Variants in COL18A1 observed in about 807,000 individuals in gnomAD.
The protein encoded by COL18A1 is collagen type XVIII alpha 1 chain.
In COL18A1, 133 loss-of-function variants were observed where a neutral mutation model predicts 168.0. That is an observed-to-expected ratio of 0.79 (90% CI 0.69 to 0.91). The LOEUF (loss-of-function observed/expected upper bound fraction) is 0.91, where lower values mean the gene tolerates loss of function less well. Ranked by LOEUF, COL18A1 falls within the 40% of genes least tolerant of loss-of-function variation. The pLI, the probability that COL18A1 is intolerant of heterozygous loss-of-function variation, is 0.00. For missense variants in COL18A1, 2,126 were observed against 1,925.4 expected (o/e 1.10, Z -1.95); for synonymous variants, 949 against 809.0 (o/e 1.17, Z -2.94).
In COL18A1 at chr21:45,496,683, A is replaced by G. The variant is rs2036555317; in HGVS notation, c.2577+115A>G. 11 of 752,020 alleles carry G rather than the reference A, an allele frequency of 1.5e-5. No individual in the cohort carries two copies. In the Admixed American group the frequency reaches 2.0e-4, roughly 14 times the overall value. The allele number at this position is 752,020 out of a possible 1,614,324, so 46.6% of individuals were successfully genotyped here. A position where few individuals can be genotyped will look rare whatever the true frequency, so the allele number is the denominator to read the frequency against. ...CTCTGCGTCTGGGGGTCCTTCTAGG[A>G]TGTGCCAGTCTGGTGGGCAGTGGAT... On this transcript the variant is annotated intron_variant, in intron 30 of 41. Transcript: ENST00000651438.
intron 2 of COL18A1, among the ~76,000 whole-genome samples, chr21:45,452,740 A>G (rs1314216685): frequency 6.7e-6 from 1 of 149,702 alleles, no homozygotes; most frequent in Non-Finnish European, 1.5e-5. Context: ...GTGAGCATAT[A>G]TGTACGTGTG....
At chr21:45,512,041 A>G (rs1191589027) in intron 41 of COL18A1, 147 bp from the exon 42 acceptor site, 2 of 830,046 alleles carry the variant, frequency 2.4e-6, no homozygotes, top group African/African-American at 3.4e-5. Context: ...CAGGGAGGCC[A>G]TGTGGCCCTC....
At chr21:45,464,093 C>G (rs2035124883) in intron 2 of COL18A1, among the ~76,000 whole-genome samples, 1 of 152,204 alleles carries the variant, frequency 6.6e-6, no homozygotes, top group South Asian at 2.1e-4. Flanking sequence ...ATGGAAGCCT[C>G]TAGCTCTCAG....
Position 45,437,776 on chromosome 21 carries a change from ACACACT to A in COL18A1, c.107-30462_107-30457del, listed in dbSNP as rs1253797747. Among the ~76,000 whole-genome samples, 6 of 71,704 alleles carry A rather than the reference ACACACT, an allele frequency of 8.4e-5. 1 individual carries two copies. The highest frequency in any genetic ancestry group is 2.6e-4 in the African/African-American group (2 of 7,654). The allele number at this position is 71,704 out of a possible 152,430, so 47.0% of individuals were successfully genotyped here. A position where few individuals can be genotyped will look rare whatever the true frequency, so the allele number is the denominator to read the frequency against. ...GACACAGGCACTCTCCTGCACACAC[ACACACT>A]CACTCACACACAGACACACAGGCAC... On this transcript the variant is annotated intron_variant, in intron 2 of 41. Coordinates refer to ENST00000651438, the MANE Select transcript of COL18A1 (RefSeq NM_001379500.1).
In COL18A1 at chr21:45,463,161, G is replaced by A. The variant is rs1010985450; in HGVS notation, c.107-5081G>A. Among the ~76,000 whole-genome samples the A allele has an allele frequency of 9.9e-5, 15 of 152,198 alleles. No individual in the cohort carries two copies. Among genetic ancestry groups the A allele is most frequent in the African/African-American group, 3.4e-4 (14 of 41,444 alleles). On this transcript the variant is annotated intron_variant, in intron 2 of 41. Coordinates refer to ENST00000651438, the MANE Select transcript of COL18A1 (RefSeq NM_001379500.1). The surrounding 1 kb of genome is among the most constrained non-coding windows in gnomAD (Gnocchi z 4.0). ...CAAGTCACTTCAGCTGGAAGGGGCAGCTTGCAACAACAGAGGGAGTGTAAA... is the reference window on the plus strand; with the variant it reads ...CAAGTCACTTCAGCTGGAAGGGGCAACTTGCAACAACAGAGGGAGTGTAAA...
At position 45,447,741 on chromosome 21, in the gene COL18A1, T is replaced by C. The variant is rs1049597595; in HGVS notation, c.107-20501T>C. Among the ~76,000 whole-genome samples the C allele has an allele frequency of 5.9e-5, 9 of 152,156 alleles. 1 individual carries two copies. The highest frequency in any genetic ancestry group is 1.3e-4 in the Non-Finnish European group (9 of 68,018). On this transcript the variant is annotated intron_variant, in intron 2 of 41. Transcript: ENST00000651438. ...TTGGCTCTCGAACTTCTTAGAGTCT[T>C]TGAAAATATCTGCTTTGTTTTGGGT... is the stretch of plus-strand genomic sequence containing the variant.
rs972370449 is a variant in COL18A1, at chr21:45,503,887, G to A, written c.2684-124G>A. On this transcript the variant is annotated intron_variant, in intron 32 of 41. Transcript: ENST00000651438. ...AACTAGGAAGAACCTAATTAAATAC[G>A]CGATCTCTACCGCGAAATGGCTAGA... 6.4e-5 allele frequency: 58 copies of A among 900,270 alleles called. 1 individual carries two copies. The highest frequency in any genetic ancestry group is 1.0e-4 in the East Asian group (4 of 40,178). 55.8% of individuals were successfully genotyped at this position (900,270 alleles called of 1,614,324 possible). A position where few individuals can be genotyped will look rare whatever the true frequency, so the allele number is the denominator to read the frequency against.
At chr21:45,483,302 G>A (rs1321980960) in intron 15 of COL18A1, among the ~76,000 whole-genome samples, 1 of 152,216 alleles carries the variant, frequency 6.6e-6, no homozygotes, top group African/African-American at 2.4e-5. Context: ...GCACTCGGAA[G>A]GAGCGCTGAA....
chr21:45,493,168 T>A lies in COL18A1; in HGVS notation c.2220T>A (p.Pro740=). ...GRPGFAGFPG[P]AGPKGNLGSK... Reference sequence around the variant, plus strand: ...CGGCCTGGCCTCCATTCCAGGGACCTGCAGGACCCAAGGGCAACCTGGGCT... The same window carrying A: ...CGGCCTGGCCTCCATTCCAGGGACCAGCAGGACCCAAGGGCAACCTGGGCT... Residue 740 remains proline, a synonymous_variant, in exon 25 of 42, where the codon CCT becomes CCA. Transcript: ENST00000651438. 6.4e-7 allele frequency: 1 copy of A among 1,558,552 alleles called. No individual in the cohort carries two copies. Among genetic ancestry groups the A allele is most frequent in the Non-Finnish European group, 8.7e-7 (1 of 1,151,268 alleles).
In COL18A1 at chr21:45,510,073, G is replaced by A. The variant is rs1322170264; in HGVS notation, c.3505G>A (p.Val1169Ile). ...HRDFQPVLHLVALNSPLSGGM... is the reference protein window; with the variant it reads ...HRDFQPVLHLIALNSPLSGGM... ...GCCCCTCTCCCCGCAGCTCCACCTG[G>A]TTGCGCTCAACAGCCCCCTGTCAGG... Residue 1169 changes from valine to isoleucine, a missense_variant, in exon 40 of 42, where the codon GTT (valine) becomes ATT (isoleucine). Coordinates refer to ENST00000651438, the MANE Select transcript of COL18A1 (RefSeq NM_001379500.1). The A allele has an allele frequency of 1.3e-6, 2 of 1,572,812 alleles. No homozygotes were observed. The highest frequency in any genetic ancestry group is 1.3e-5 in the African/African-American group (1 of 74,112).
At chr21:45,482,376 C>G (rs1372914571) in intron 14 of COL18A1, 4 of 656,406 alleles carry the variant, frequency 6.1e-6, no homozygotes, top group Non-Finnish European at 1.1e-5. Context: ...TGTGGGTGGA[C>G]CTGGCGGGAG....
At chr21:45,493,627 G>A (rs1411210731) in intron 26 of COL18A1, 52 bp downstream of exon 26, 1 of 1,350,796 alleles carries the variant, frequency 7.4e-7, no homozygotes. Context: ...CTGGGGCTGT[G>A]GAGACAGCCT....
intron 15 of COL18A1, among the ~76,000 whole-genome samples, chr21:45,484,752 G>A (rs972867152): frequency 6.6e-6 from 1 of 152,196 alleles, no homozygotes; most frequent in African/African-American, 2.4e-5. Flanking sequence ...ACATGTATTT[G>A]TAGTGTGTGT....
At chr21:45,507,674 C>T (rs2037303744) in intron 38 of COL18A1, 81 bp downstream of exon 38, 1 of 1,359,702 alleles carries the variant, frequency 7.4e-7, no homozygotes, top group Non-Finnish European at 1.0e-6. Context: ...TGAGGAACAA[C>T]ACGTGGTCCT....
intron 32 of COL18A1, among the ~76,000 whole-genome samples, chr21:45,499,834 A>T (rs2036679930): frequency 6.6e-6 from 1 of 152,212 alleles, no homozygotes; most frequent in South Asian, 2.1e-4. Flanking sequence ...ATCCAAAAGA[A>T]GGCAAAACAT....
At chr21:45,511,930 C>T (rs1052770580) in intron 41 of COL18A1, among the ~76,000 whole-genome samples, 2 of 152,218 alleles carry the variant, frequency 1.3e-5, no homozygotes, top group Non-Finnish European at 2.9e-5. Context: ...TTCACCCAGC[C>T]AGGCCAAGCC....
chr21:45,496,655 G>A, intron 30 of COL18A1, 87 bp downstream of exon 30: 1 of 787,326 alleles, frequency 1.3e-6, no homozygotes, highest in South Asian at 1.3e-5. Flanking sequence ...CTTCTCCCCT[G>A]GCCTCTGCGT....
intron 3 of COL18A1, among the ~76,000 whole-genome samples, chr21:45,469,011 T>TAGTGAATGC (rs2035317776): frequency 6.6e-6 from 1 of 152,186 alleles, no homozygotes; most frequent in Admixed American, 6.5e-5. Context: ...GGGGTGGCAT[T>TAGTGAATGC]CACTTTCTTG....
chr21:45,487,681 G>A lies in COL18A1; in HGVS notation c.1896+172G>A, dbSNP rs897917192. The A allele has an allele frequency of 7.5e-6, 6 of 804,074 alleles. No individual in the cohort carries two copies. The African/African-American group carries it at 8.4e-5, about 11-fold the overall frequency. 49.8% of individuals were successfully genotyped at this position (804,074 alleles called of 1,614,324 possible). On this transcript the variant is annotated intron_variant, in intron 17 of 41. Transcript: ENST00000651438. Reference sequence around the variant, plus strand: ...CCCCGCGGGCCACCCTTGTTCTTCGGAGATGCCCCTTCATTGAACTAAAGT... The same window carrying A: ...CCCCGCGGGCCACCCTTGTTCTTCGAAGATGCCCCTTCATTGAACTAAAGT...
Sources: gnomAD v4.1 joint callset for allele counts (sites outside exome capture counted in the v4.1 genomes callset) on GRCh38, gnomAD v4.1.1 for gene constraint, Gnocchi (gnomAD v3.1) non-coding constraint, MANE v1.5 for transcripts, NCBI Gene and HGNC (gene_info 2026-07-23, HGNC 2026-07-21) for gene names.